The following TSPAN14 variants were observed in gnomAD, a reference collection of about 807,000 sequenced individuals.
The protein encoded by TSPAN14 is tetraspanin-14.
TSPAN14 carries 16 observed loss-of-function variants against 36.6 expected under a neutral mutation model. That is an observed-to-expected ratio of 0.44 (90% CI 0.30 to 0.66). The LOEUF (loss-of-function observed/expected upper bound fraction) is 0.66. Ranked by LOEUF, TSPAN14 falls within the 30% of genes least tolerant of loss-of-function variation. The pLI, the probability that TSPAN14 is intolerant of heterozygous loss-of-function variation, is 0.12. For missense variants in TSPAN14, 231 were observed against 355.1 expected, an observed-to-expected ratio of 0.65 and a Z score of 2.81; for synonymous variants, 139 against 143.8, an observed-to-expected ratio of 0.97 and a Z score of 0.24.
intron 1 of TSPAN14, among the ~76,000 whole-genome samples, chr10:80,466,831 A>G (rs1354924278): frequency 6.6e-6 from 1 of 152,238 alleles, no homozygotes; most frequent in Non-Finnish European, 1.5e-5. Flanking sequence ...GGCAAAAGTT[A>G]CAGGCAAAGG....
intron 5 of TSPAN14, among the ~76,000 whole-genome samples, chr10:80,510,597 G>A (rs1186823685): frequency 3.9e-5 from 6 of 152,164 alleles, no homozygotes; most frequent in South Asian, 2.1e-4. Flanking sequence ...ACTTCTGGCC[G>A]GGCGCGGTGA....
chr10:80,509,102 C>T lies in TSPAN14; in HGVS notation c.280-199C>T, dbSNP rs942962112. On this transcript the variant is annotated intron_variant, in intron 4 of 8. Transcript: ENST00000429989. This position sits in a 1 kb window ranked among gnomAD's most constrained non-coding sequence, Gnocchi z 4.7. ...GTGACATGGGTAGGGATAAATAGCC[C>T]CTTTTTACAGATGAAGCGAAGTTGT... Among the ~76,000 whole-genome samples the T allele has an allele frequency of 6.6e-6, 1 of 152,180 alleles. No homozygotes were observed. The highest frequency in any genetic ancestry group is 2.4e-5 in the African/African-American group (1 of 41,434).
intron 2 of TSPAN14, among the ~76,000 whole-genome samples, chr10:80,504,395 G>GAT (rs1323104134): frequency 1.3e-5 from 2 of 152,220 alleles, no homozygotes; most frequent in African/African-American, 2.4e-5. Context: ...GTATACACCA[G>GAT]ATAGTGCACT....
intron 1 of TSPAN14, among the ~76,000 whole-genome samples, chr10:80,457,250 A>T (rs899172899): frequency 2.0e-5 from 3 of 150,412 alleles, no homozygotes; most frequent in African/African-American, 7.3e-5. Flanking sequence ...CAGTGGCGTG[A>T]TCTCGGCTCA....
intron 4 of TSPAN14, 125 bp downstream of exon 4, chr10:80,507,499 T>TAG: frequency 7.3e-7 from 1 of 1,367,726 alleles, no homozygotes; most frequent in Non-Finnish European, 1.0e-6. Flanking sequence ...GGCCCCTGCC[T>TAG]GGGAGCAGGA....
intron 1 of TSPAN14, among the ~76,000 whole-genome samples, chr10:80,458,018 G>T (rs1166497133): frequency 6.6e-6 from 1 of 152,170 alleles, no homozygotes; most frequent in African/African-American, 2.4e-5. Context: ...AGATGCCTAT[G>T]GGAAGGGGAT....
In TSPAN14 at chr10:80,460,947, G is replaced by A. The variant is rs565892742; in HGVS notation, c.-18+6576G>A. The stretch of plus-strand genomic sequence containing the variant: ...GTCCCATTTGTCTGAGCTGGGCAGA[G>A]GGAGGTGCTGTGGGGGATCTCTTCC... On this transcript the variant is annotated intron_variant, in intron 1 of 8. Transcript: ENST00000429989. Among the ~76,000 whole-genome samples, 583 of 152,296 alleles carry A rather than the reference G, an allele frequency of 3.8e-3. 4 individuals carry two copies. Among genetic ancestry groups the A allele is most frequent in the African/African-American group, 0.013 (535 of 41,550 alleles).
chr10:80,468,333 CT>C (rs748679217), intron 1 of TSPAN14, among the ~76,000 whole-genome samples: 2 of 152,168 alleles, frequency 1.3e-5, no homozygotes, highest in African/African-American at 2.4e-5. Flanking sequence ...AGGCAGGTCT[CT>C]ATCATTTGGT....
intron 2 of TSPAN14, among the ~76,000 whole-genome samples, chr10:80,493,881 C>G (rs925078571): frequency 2.6e-5 from 4 of 152,198 alleles, no homozygotes; most frequent in Non-Finnish European, 4.4e-5. Context: ...ATACCCCCCA[C>G]TGGTTCCACA....
intron 2 of TSPAN14, among the ~76,000 whole-genome samples, chr10:80,496,648 G>A (rs1441047470): frequency 6.6e-6 from 1 of 152,028 alleles, no homozygotes; most frequent in Non-Finnish European, 1.5e-5. Context: ...GCTCGGTTTA[G>A]TTTTTTATTT....
In TSPAN14 at chr10:80,492,845, G is replaced by A. The variant is rs74644171; in HGVS notation, c.81+3531G>A. Reference sequence around the variant, plus strand: ...AAAAAAAAGACTTATTTTCACAATAGCATTCTTTATAGATAAATACCGTTT... The same window carrying A: ...AAAAAAAAGACTTATTTTCACAATAACATTCTTTATAGATAAATACCGTTT... On this transcript the variant is annotated intron_variant, in intron 2 of 8. Coordinates refer to ENST00000429989, the Ensembl canonical transcript of TSPAN14. Among the ~76,000 whole-genome samples the A allele has an allele frequency of 2.0e-3, 300 of 152,186 alleles. 1 individual carries two copies. The highest frequency in any genetic ancestry group is 6.7e-3 in the African/African-American group (280 of 41,538).
At chr10:80,503,396 G>A (rs1381181806) in intron 2 of TSPAN14, among the ~76,000 whole-genome samples, 12 of 152,310 alleles carry the variant, frequency 7.9e-5, no homozygotes, top group Non-Finnish European at 5.9e-5. Context: ...TTTGTTGAAT[G>A]AATGAGTGAG....
chr10:80,454,844 G>T (rs965247321), intron 1 of TSPAN14, among the ~76,000 whole-genome samples: 2 of 152,264 alleles, frequency 1.3e-5, no homozygotes, highest in Admixed American at 6.5e-5. Flanking sequence ...GATCGGGTCC[G>T]GGGTGGGGGT....
intron 1 of TSPAN14, among the ~76,000 whole-genome samples, chr10:80,483,136 G>T (rs1473609316): frequency 6.6e-6 from 1 of 152,174 alleles, no homozygotes; most frequent in Admixed American, 6.5e-5. Context: ...GAATATTAAA[G>T]GTGAGTACAA....
chr10:80,498,472 T>C (rs1008569483), intron 2 of TSPAN14, among the ~76,000 whole-genome samples: 7 of 152,164 alleles, frequency 4.6e-5, no homozygotes, highest in African/African-American at 1.7e-4. Context: ...CCTACCTCAC[T>C]TGAAAAGCCT....
intron 1 of TSPAN14, among the ~76,000 whole-genome samples, chr10:80,475,890 A>T (rs999866995): frequency 6.6e-6 from 1 of 151,966 alleles, no homozygotes; most frequent in Non-Finnish European, 1.5e-5. Flanking sequence ...CGGCCTCCCC[A>T]TCCTTTTTAT....
At position 80,520,482 on chromosome 10, in the gene TSPAN14, C is replaced by T; in HGVS notation, c.*2506C>T. On this transcript the variant is annotated 3_prime_UTR_variant, in exon 9 of 9. Transcript: ENST00000429989. Reference sequence around the variant, plus strand: ...GCACTGGCCTGTCCTGAATCCCCGCCTTCCCTGGTTGGAGGCCAGCTGTGG... The same window carrying T: ...GCACTGGCCTGTCCTGAATCCCCGCTTTCCCTGGTTGGAGGCCAGCTGTGG... 3 of 455,498 alleles carry T rather than the reference C, an allele frequency of 6.6e-6. No individual in the cohort carries two copies. In the Admixed American group the frequency reaches 7.2e-5, roughly 11 times the overall value. The allele number at this position is 455,498 out of a possible 1,614,324, so 28.2% of individuals were successfully genotyped here.
At chr10:80,495,661 C>T (rs1423797684) in intron 2 of TSPAN14, among the ~76,000 whole-genome samples, 1 of 152,192 alleles carries the variant, frequency 6.6e-6, no homozygotes. Context: ...GCTTGTATAA[C>T]TCTGCCTCCT....
intron 6 of TSPAN14, among the ~76,000 whole-genome samples, chr10:80,512,920 G>C (rs954055017): frequency 5.3e-5 from 8 of 151,988 alleles, no homozygotes; most frequent in Admixed American, 5.2e-4. Context: ...TTTAGAGACA[G>C]TGTCTCACTC....
Sources: allele counts gnomAD v4.1 joint callset (sites outside exome capture counted in the v4.1 genomes callset), GRCh38; gene constraint gnomAD v4.1.1; non-coding constraint Gnocchi (gnomAD v3.1); transcripts MANE v1.5; gene names NCBI Gene and HGNC (gene_info 2026-07-23, HGNC 2026-07-21).